ULK4: variants seen among roughly 807,000 people sequenced by gnomAD.
ULK4 encodes the protein inactive serine/threonine-protein kinase ULK4.
Under a neutral mutation model 160.6 loss-of-function variants are expected in ULK4, and 133 were observed. That is an observed-to-expected ratio of 0.83 (90% CI 0.72 to 0.96). ULK4 has a LOEUF of 0.96. ULK4 is among the 40% of genes least tolerant of loss of function. The probability of loss-of-function intolerance (pLI) is 0.00; values close to 1 mark genes in which losing one functional copy is unlikely to be tolerated. For missense variants in ULK4, 1,580 were observed against 1,499.5 expected (o/e 1.05, Z -0.89); for synonymous variants, 534 against 539.8 (o/e 0.99, Z 0.15).
At chr3:41,843,643 T>C (rs921465668) in intron 17 of ULK4, among the ~76,000 whole-genome samples, 3 of 151,986 alleles carry the variant, frequency 2.0e-5, no homozygotes, top group Non-Finnish European at 2.9e-5. Flanking sequence ...ACCTTCGTGG[T>C]GAGTGTTACA....
At chr3:41,324,412 G>A (rs1299246685) in intron 35 of ULK4, among the ~76,000 whole-genome samples, 2 of 152,176 alleles carry the variant, frequency 1.3e-5, no homozygotes, top group African/African-American at 2.4e-5. Flanking sequence ...AAATGTCTGT[G>A]TACTCTGTGT....
At chr3:41,853,942 A>G (rs2042274817) in intron 17 of ULK4, 1 of 152,220 alleles carries the variant, frequency 6.6e-6, no homozygotes, top group Non-Finnish European at 1.5e-5. Context: ...GAATATTCAC[A>G]GCTTATCCTA....
At chr3:41,573,335 A>T (rs1442827045) in intron 31 of ULK4, among the ~76,000 whole-genome samples, 1 of 138,676 alleles carries the variant, frequency 7.2e-6, no homozygotes, top group Non-Finnish European at 1.6e-5. Context: ...AACACTCGTG[A>T]AAAATGACCA....
chr3:41,751,994 T>C (rs1287428444), intron 22 of ULK4, among the ~76,000 whole-genome samples: 1 of 151,976 alleles, frequency 6.6e-6, no homozygotes, highest in East Asian at 1.9e-4. Context: ...GCAGGACAGG[T>C]AGGACATGGT....
At chr3:41,702,055 G>C (rs2036693469) in intron 27 of ULK4, among the ~76,000 whole-genome samples, 1 of 152,130 alleles carries the variant, frequency 6.6e-6, no homozygotes, top group African/African-American at 2.4e-5. Context: ...AATCCAAACA[G>C]ACCAACAATT....
chr3:41,752,833 G>A lies in ULK4; in HGVS notation c.2321+1528C>T, dbSNP rs560174596. On this transcript the variant is annotated intron_variant, in intron 22 of 36. Coordinates refer to ENST00000301831, the MANE Select transcript of ULK4 (RefSeq NM_017886.4). The stretch of plus-strand genomic sequence containing the variant: ...GCAAAATGTTATCTCCCCCTTCCCC[G>A]AAAAAAGAATTCTCTTCTCCCTAAC... Among the ~76,000 whole-genome samples, 30 of 152,040 alleles carry A rather than the reference G, an allele frequency of 2.0e-4. No homozygotes were observed. The South Asian group carries it at 2.7e-3, about 14-fold the overall frequency.
Position 41,835,943 on chromosome 3 carries a change from C to G in ULK4, c.1685G>C (p.Arg562Thr). 1 of 1,607,284 alleles carries G rather than the reference C, an allele frequency of 6.2e-7. No homozygotes were observed. The highest frequency in any genetic ancestry group is 8.5e-7 in the Non-Finnish European group (1 of 1,177,990). Reference protein sequence around the residue: ...EAIVLLTELIRENFRNSKLKQ... With the variant: ...EAIVLLTELITENFRNSKLKQ... Reference sequence around the variant, plus strand: ...TAATTTGCTGTTCCTGAAGTTTTCCCTAATTAATTCAGTTAAGAGAACAAT... The same window carrying G: ...TAATTTGCTGTTCCTGAAGTTTTCCGTAATTAATTCAGTTAAGAGAACAAT... The change falls in exon 18 of 37, where the codon AGG becomes ACG. Residue 562 changes from arginine (R) to threonine (T), a missense_variant. By Grantham distance (71) the Arg-to-Thr change is moderately conservative. Transcript: ENST00000301831.
At chr3:41,868,275 A>G (rs896984062) in intron 17 of ULK4, among the ~76,000 whole-genome samples, 1 of 152,148 alleles carries the variant, frequency 6.6e-6, no homozygotes, top group Non-Finnish European at 1.5e-5. Context: ...GTCTCATTTC[A>G]CACAGACAAA....
chr3:41,538,740 A>C (rs951972585), intron 32 of ULK4, among the ~76,000 whole-genome samples: 1 of 152,154 alleles, frequency 6.6e-6, no homozygotes, highest in African/African-American at 2.4e-5. Context: ...TTATTATAGT[A>C]GTAAAGTATC....
At chr3:41,645,392 G>C (rs942105546) in intron 30 of ULK4, among the ~76,000 whole-genome samples, 2 of 151,894 alleles carry the variant, frequency 1.3e-5, no homozygotes, top group Non-Finnish European at 2.9e-5. Context: ...GGTATGTTGT[G>C]TCTTTGTTCT....
chr3:41,651,118 A>C (rs919826025), intron 30 of ULK4, among the ~76,000 whole-genome samples: 5 of 152,138 alleles, frequency 3.3e-5, no homozygotes, highest in African/African-American at 1.2e-4. Flanking sequence ...ATCCTTAAGG[A>C]AGTTACACCT....
At chr3:41,800,692 T>G (rs73073352) in intron 19 of ULK4, among the ~76,000 whole-genome samples, 1 of 152,048 alleles carries the variant, frequency 6.6e-6, no homozygotes, top group Non-Finnish European at 1.5e-5. Flanking sequence ...CAGAAGTCAT[T>G]CAGTCCTAGG....
At chr3:41,726,482 C>A (rs539843832) in intron 22 of ULK4, among the ~76,000 whole-genome samples, 8 of 152,332 alleles carry the variant, frequency 5.3e-5, no homozygotes, top group African/African-American at 1.9e-4. Context: ...AAATACTTCA[C>A]AAGCGTTCTA....
At chr3:41,350,686 C>T (rs1236206288) in intron 35 of ULK4, among the ~76,000 whole-genome samples, 2 of 151,798 alleles carry the variant, frequency 1.3e-5, no homozygotes, top group Admixed American at 1.3e-4. Context: ...AGGTCTGACT[C>T]ACTGGGGTAG....
At chr3:41,763,201 A>G (rs1455484694) in intron 21 of ULK4, among the ~76,000 whole-genome samples, 2 of 152,198 alleles carry the variant, frequency 1.3e-5, no homozygotes, top group Non-Finnish European at 2.9e-5. Flanking sequence ...ATAATTATAT[A>G]AAAGAATATA....
intron 31 of ULK4, among the ~76,000 whole-genome samples, chr3:41,577,499 T>C (rs575792710): frequency 2.0e-5 from 3 of 152,310 alleles, no homozygotes; most frequent in South Asian, 4.1e-4. Flanking sequence ...ATTATACTTT[T>C]ATTTTAAAAT....
intron 17 of ULK4, among the ~76,000 whole-genome samples, chr3:41,842,759 T>C (rs1432138991): frequency 6.6e-6 from 1 of 152,208 alleles, no homozygotes; most frequent in Non-Finnish European, 1.5e-5. Flanking sequence ...CTTTATAAAT[T>C]ATCCTGCCTC....
At chr3:41,848,928 G>A (rs1446514806) in intron 17 of ULK4, among the ~76,000 whole-genome samples, 1 of 152,158 alleles carries the variant, frequency 6.6e-6, no homozygotes, top group Non-Finnish European at 1.5e-5. Flanking sequence ...TTAGAGTCAG[G>A]CAGGGCCATG....
At chr3:41,711,455 T>C (rs892909211) in intron 25 of ULK4, among the ~76,000 whole-genome samples, 2 of 152,094 alleles carry the variant, frequency 1.3e-5, no homozygotes, top group East Asian at 1.9e-4. Context: ...ATTCATGATA[T>C]GTTAAAGGAA....
Sources: allele counts gnomAD v4.1 joint callset (sites outside exome capture counted in the v4.1 genomes callset), GRCh38; gene constraint gnomAD v4.1.1; transcripts MANE v1.5; gene names NCBI Gene and HGNC (gene_info 2026-07-23, HGNC 2026-07-21).